Variants in BAZ1B observed in about 807,000 individuals in gnomAD.
The protein encoded by BAZ1B is bromodomain adjacent to zinc finger domain 1B, also known as tyrosine-protein kinase BAZ1B.
A neutral mutation model predicts 153.8 loss-of-function variants in BAZ1B; 22 were observed. The ratio of observed to expected loss-of-function variants is 0.14; its 90% CI spans 0.10 to 0.20. The LOEUF (loss-of-function observed/expected upper bound fraction) is 0.20. Ranked by LOEUF, BAZ1B falls within the 10% of genes least tolerant of loss-of-function variation. BAZ1B has a pLI of 1.00. For synonymous variants in BAZ1B, 676 were observed against 633.4 expected, an observed-to-expected ratio of 1.07 and a Z score of -1.01; for missense variants, 1,325 against 1,799.3, an observed-to-expected ratio of 0.74 and a Z score of 4.77.
At chr7:73,511,038 G>A (rs1222743401) in intron 1 of BAZ1B, among the ~76,000 whole-genome samples, 186 bp from the exon 2 acceptor site, 2 of 152,120 alleles carry the variant, frequency 1.3e-5, no homozygotes, top group African/African-American at 2.4e-5. Context: ...TTGGGAGGCC[G>A]AGGCGGGCGG....
intron 3 of BAZ1B, among the ~76,000 whole-genome samples, chr7:73,504,687 G>C (rs1790264997): frequency 6.6e-6 from 1 of 152,004 alleles, no homozygotes; most frequent in Admixed American, 6.6e-5. Context: ...ACTTAGCTAG[G>C]CATGGTTTTG....
rs782025233 is a variant in BAZ1B, at chr7:73,450,205, G to A, written c.3581-516C>T. On this transcript the variant is annotated intron_variant, in intron 14 of 19. Coordinates refer to ENST00000339594, the MANE Select transcript of BAZ1B (RefSeq NM_032408.4). This position sits in a 1 kb window ranked among gnomAD's most constrained non-coding sequence, Gnocchi z 4.1. Reference sequence around the variant, plus strand: ...TGGGATTACAGGCGTGAGCCACCGCGCCCGGCCCCTGATGGGTTCCCTTAA... The same window carrying A: ...TGGGATTACAGGCGTGAGCCACCGCACCCGGCCCCTGATGGGTTCCCTTAA... 1.3e-5 allele frequency among the ~76,000 whole-genome samples: 2 copies of A among 152,008 alleles called. No individual in the cohort carries two copies. Among genetic ancestry groups the A allele is most frequent in the Non-Finnish European group, 2.9e-5 (2 of 67,980 alleles).
rs1183143349 is a variant in BAZ1B at position 73,521,976 on chromosome 7, C to A, written c.-43G>T. 1 of 1,356,944 alleles carries A rather than the reference C, an allele frequency of 7.4e-7. No homozygotes were observed. The highest frequency in any genetic ancestry group is 1.5e-5 in the African/African-American group (1 of 64,934). The allele number at this position is 1,356,944 out of a possible 1,614,324, so 84.1% of individuals were successfully genotyped here. A position where few individuals can be genotyped will look rare whatever the true frequency, so the allele number is the denominator to read the frequency against. On this transcript the variant is annotated 5_prime_UTR_variant, in exon 1 of 20. Transcript: ENST00000339594. The stretch of plus-strand genomic sequence containing the variant: ...GGACTGGCGGCTGCTGGGGCCGGCC[C>A]CGCGGCGCAGCACTAGGCCCCGCGG...
At chr7:73,454,139 T>C (rs958472917) in intron 13 of BAZ1B, among the ~76,000 whole-genome samples, 1 of 148,826 alleles carries the variant, frequency 6.7e-6, no homozygotes, top group East Asian at 2.1e-4. Flanking sequence ...TCTCTATAAA[T>C]AAATAAATAA....
At chr7:73,511,888 G>A (rs1044115894) in intron 1 of BAZ1B, among the ~76,000 whole-genome samples, 2 of 150,816 alleles carry the variant, frequency 1.3e-5, no homozygotes, top group South Asian at 2.1e-4. Context: ...AAAATTAGCC[G>A]GGCTTGGTGG....
chr7:73,469,086 C>T (rs973388414), intron 9 of BAZ1B, among the ~76,000 whole-genome samples: 11 of 150,530 alleles, frequency 7.3e-5, no homozygotes, highest in African/African-American at 1.7e-4. Context: ...GCCGAGATCA[C>T]GCCATTGCTC....
chr7:73,442,948 G>C, intron 17 of BAZ1B, 120 bp from the exon 18 acceptor site: 1 of 793,590 alleles, frequency 1.3e-6, no homozygotes, highest in Non-Finnish European at 2.0e-6. Flanking sequence ...CCTTGGCGCA[G>C]AGGTGCTGAA....
At chr7:73,449,883 G>T (rs1787971467) in intron 14 of BAZ1B, among the ~76,000 whole-genome samples, 194 bp from the exon 15 acceptor site, 1 of 152,168 alleles carries the variant, frequency 6.6e-6, no homozygotes, top group Non-Finnish European at 1.5e-5. Context: ...CAGATAATTT[G>T]GGAATCAGGT....
intron 6 of BAZ1B, among the ~76,000 whole-genome samples, chr7:73,485,640 AAAGAG>A (rs1414587848): frequency 6.6e-6 from 1 of 151,896 alleles, no homozygotes; most frequent in Non-Finnish European, 1.5e-5. Flanking sequence ...AAAAAAAAAA[AAAGAG>A]AGAGAGAATG....
chr7:73,457,928 C>A (rs1252452603), intron 13 of BAZ1B, among the ~76,000 whole-genome samples: 2 of 152,176 alleles, frequency 1.3e-5, no homozygotes, highest in Admixed American at 6.5e-5. Flanking sequence ...CCCTGCTCCG[C>A]CACCTTCCTT....
intron 17 of BAZ1B, among the ~76,000 whole-genome samples, chr7:73,443,593 C>T (rs1003883420): frequency 5.3e-5 from 8 of 152,162 alleles, no homozygotes; most frequent in African/African-American, 1.9e-4. Context: ...GGTTAAGGAG[C>T]AGAGGGGAGG....
At chr7:73,516,223 C>T (rs1203198556) in intron 1 of BAZ1B, among the ~76,000 whole-genome samples, 4 of 151,990 alleles carry the variant, frequency 2.6e-5, no homozygotes, top group African/African-American at 9.7e-5. Context: ...ACTACATTGC[C>T]TTGTCTGGTC....
chr7:73,449,715 A>G, intron 14 of BAZ1B, 26 bp from the exon 15 acceptor site: 1 of 1,611,852 alleles, frequency 6.2e-7, no homozygotes, highest in Non-Finnish European at 8.5e-7. Flanking sequence ...TGTGAATAGC[A>G]TTGTTGGGAG....
chr7:73,442,404 G>GC lies in BAZ1B; in HGVS notation c.4243dup (p.Ala1415GlyfsTer2). On this transcript the variant is annotated frameshift_variant, in exon 19 of 20. Transcript: ENST00000339594. LOFTEE classifies it high-confidence loss of function. ...GCTGCCACGGCAGTTGTAAACCTCA[G>GC]CATTGGTAAACACTTGCTTCATGTC... The GC allele has an allele frequency of 6.2e-7, 1 of 1,614,228 alleles. No homozygotes were observed. Among genetic ancestry groups the GC allele is most frequent in the Non-Finnish European group, 8.5e-7 (1 of 1,180,046 alleles).
At chr7:73,503,825 T>C (rs1429284099) in intron 3 of BAZ1B, among the ~76,000 whole-genome samples, 3 of 152,070 alleles carry the variant, frequency 2.0e-5, no homozygotes, top group African/African-American at 2.4e-5. Context: ...CCCCTTGCCC[T>C]CTAGATTCTG....
Position 73,522,178 on chromosome 7 carries a change from C to G in BAZ1B, c.-245G>C. On this transcript the variant is annotated 5_prime_UTR_variant, in exon 1 of 20. Coordinates refer to ENST00000339594, the MANE Select transcript of BAZ1B (RefSeq NM_032408.4). ...CCTCCCAGCAGCCCCCCGCCGACCT[C>G]CGCTTCGGGTCCCGGCGGCCGGCAG... The G allele has an allele frequency of 2.5e-6, 1 of 394,872 alleles. No individual in the cohort carries two copies. The highest frequency in any genetic ancestry group is 4.5e-6 in the Non-Finnish European group (1 of 223,816). The allele number at this position is 394,872 out of a possible 1,614,324, so 24.5% of individuals were successfully genotyped here. A position where few individuals can be genotyped will look rare whatever the true frequency, so the allele number is the denominator to read the frequency against.
At chr7:73,462,709 G>A (rs1788435899) in intron 12 of BAZ1B, 3 of 561,198 alleles carry the variant, frequency 5.3e-6, no homozygotes, top group Middle Eastern at 4.9e-4. Flanking sequence ...AAGGTTGTAA[G>A]CCAATTACTA....
At chr7:73,465,601 A>G (rs1788553931) in intron 10 of BAZ1B, 64 bp from the exon 11 acceptor site, 3 of 1,084,778 alleles carry the variant, frequency 2.8e-6, no homozygotes, top group Non-Finnish European at 4.1e-6. Flanking sequence ...TCAAACACTA[A>G]GCAAGGGATC....
At chr7:73,452,315 T>A (rs1184357955) in intron 13 of BAZ1B, among the ~76,000 whole-genome samples, 2 of 152,178 alleles carry the variant, frequency 1.3e-5, no homozygotes, top group African/African-American at 4.8e-5. Flanking sequence ...ACATTGCACA[T>A]GCTGTTTATC....
Sources: gnomAD v4.1 joint callset for allele counts (sites outside exome capture counted in the v4.1 genomes callset) on GRCh38, gnomAD v4.1.1 for gene constraint, Gnocchi (gnomAD v3.1) non-coding constraint, MANE v1.5 for transcripts, NCBI Gene and HGNC (gene_info 2026-07-23, HGNC 2026-07-21) for gene names.